Variants in GOLM2 observed in about 807,000 individuals in gnomAD.
GOLM2 encodes the protein golgi membrane protein 2.
Under a neutral mutation model 55.9 loss-of-function variants are expected in GOLM2, and 26 were observed. The ratio of observed to expected loss-of-function variants is 0.47; its 90% CI spans 0.34 to 0.65. GOLM2 has a LOEUF of 0.65. Among genes scored for constraint, GOLM2 ranks in the 30% least tolerant of loss-of-function variants. The probability of loss-of-function intolerance (pLI) is 0.01; values close to 1 mark genes in which losing one functional copy is unlikely to be tolerated. For synonymous variants in GOLM2, 165 were observed against 194.6 expected (o/e 0.85, Z 1.27); for missense variants, 486 against 531.8 (o/e 0.91, Z 0.85).
rs1021027574 is a variant in GOLM2 at position 44,329,217 on chromosome 15, T to A, written c.485+430T>A. 2.6e-5 allele frequency among the ~76,000 whole-genome samples: 4 copies of A among 152,352 alleles called. No individual in the cohort carries two copies. The East Asian group carries it at 7.7e-4, about 29-fold the overall frequency. On this transcript the variant is annotated intron_variant, in intron 3 of 9. Transcript: ENST00000299957. ...CTGCTCTGCATGTCAGCCCTCTTGCTGATACCTCTACACTTGGTGATGAGG... is the reference window on the plus strand; with the variant it reads ...CTGCTCTGCATGTCAGCCCTCTTGCAGATACCTCTACACTTGGTGATGAGG...
chr15:44,326,520 C>A (rs2078981797), intron 2 of GOLM2, among the ~76,000 whole-genome samples: 1 of 151,526 alleles, frequency 6.6e-6, no homozygotes, highest in Non-Finnish European at 1.5e-5. Flanking sequence ...GTTCAAAATC[C>A]TACTGTCAGA....
At chr15:44,336,798 C>T (rs1413238406) in intron 4 of GOLM2, among the ~76,000 whole-genome samples, 1 of 151,990 alleles carries the variant, frequency 6.6e-6, no homozygotes, top group African/African-American at 2.4e-5. Context: ...CACCTGTAGT[C>T]CCAGTTACTC....
intron 4 of GOLM2, among the ~76,000 whole-genome samples, chr15:44,334,672 C>T (rs1278787429): frequency 2.6e-5 from 4 of 152,146 alleles, no homozygotes; most frequent in Admixed American, 1.3e-4. Context: ...TTGTTTACTG[C>T]GTTCATGCTG....
chr15:44,379,898 C>A, intron 7 of GOLM2, 110 bp downstream of exon 7: 3 of 543,278 alleles, frequency 5.5e-6, no homozygotes, highest in Non-Finnish European at 6.4e-6. Flanking sequence ...AGCATTTATT[C>A]TTTGAGGTAA....
At chr15:44,313,061 G>A (rs1435009907) in intron 1 of GOLM2, among the ~76,000 whole-genome samples, 20 of 149,956 alleles carry the variant, frequency 1.3e-4, no homozygotes, top group Non-Finnish European at 2.4e-4. Flanking sequence ...CCTGGGCGAC[G>A]GAGCAAGACT....
chr15:44,357,646 A>C (rs894434639), intron 6 of GOLM2, among the ~76,000 whole-genome samples: 2 of 152,214 alleles, frequency 1.3e-5, no homozygotes. Context: ...TATATGTAGA[A>C]GACCCAAGAG....
Position 44,307,212 on chromosome 15 carries a change from C to CT in GOLM2, c.328-15735dup, listed in dbSNP as rs199591388. ...GCTGGAAACTAACATGATACTAATT[C>CT]TTTTTTTTTTTTTTTTTTGAGACAG... On this transcript the variant is annotated intron_variant, in intron 1 of 9. Coordinates refer to ENST00000299957, the MANE Select transcript of GOLM2 (RefSeq NM_138423.4). 550 of 135,968 alleles carry CT rather than the reference C, an allele frequency of 4.0e-3. 3 individuals are homozygous for CT. The highest frequency in any genetic ancestry group is 0.013 in the East Asian group (61 of 4,684). 8.4% of individuals were successfully genotyped at this position (135,968 alleles called of 1,614,324 possible). A position where few individuals can be genotyped will look rare whatever the true frequency, so the allele number is the denominator to read the frequency against.
rs140734894 is a variant in GOLM2, at chr15:44,380,942, G to T, written c.1038G>T (p.Lys346Asn). The T allele has an allele frequency of 4.5e-3, 7,120 of 1,584,958 alleles. 27 individuals carry two copies. Among genetic ancestry groups the T allele is most frequent in the Non-Finnish European group, 5.7e-3 (6,709 of 1,167,126 alleles). ...CAGATATACTAAAGCAGGCTACCAA[G>T]GACAGAGTCAGTGATTTCCATAAAT... ...IQTDILKQAT[K>N]DRVSDFHKLK... The change falls in exon 8 of 10, where the codon AAG (lysine) becomes AAT (asparagine). Residue 346 changes from lysine to asparagine, a missense_variant. Physicochemically the swap from Lys to Asn is moderately conservative, Grantham distance 94 (BLOSUM62 0). Transcript: ENST00000299957.
intron 8 of GOLM2, among the ~76,000 whole-genome samples, chr15:44,389,031 A>T (rs1396351996): frequency 2.0e-5 from 3 of 151,768 alleles, no homozygotes; most frequent in Non-Finnish European, 4.4e-5. Flanking sequence ...GTTAGCCAGG[A>T]TAGTCTTGAT....
chr15:44,408,025 C>A (rs984382827), intron 9 of GOLM2, among the ~76,000 whole-genome samples: 1 of 152,062 alleles, frequency 6.6e-6, no homozygotes, highest in Non-Finnish European at 1.5e-5. Context: ...GCTGGGATTA[C>A]GGCGTGAGCA....
Position 44,302,273 on chromosome 15 carries a change from T to C in GOLM2, c.327+12917T>C, listed in dbSNP as rs566286840. The stretch of plus-strand genomic sequence containing the variant: ...GATTCTCCTGCCTCAGCCTCCCAAG[T>C]AGCTGGGACTACATGCACATGCCAC... On this transcript the variant is annotated intron_variant, in intron 1 of 9. Coordinates refer to ENST00000299957, the MANE Select transcript of GOLM2 (RefSeq NM_138423.4). 7.9e-5 allele frequency among the ~76,000 whole-genome samples: 12 copies of C among 151,364 alleles called. 1 individual carries two copies. In the South Asian group the frequency reaches 2.3e-3, roughly 29 times the overall value.
rs552500725 is a variant in GOLM2 at position 44,372,646 on chromosome 15, T to G, written c.803-7044T>G. Among the ~76,000 whole-genome samples the G allele has an allele frequency of 2.0e-5, 3 of 152,290 alleles. No homozygotes were observed. The East Asian group carries it at 5.8e-4, about 29-fold the overall frequency. On this transcript the variant is annotated intron_variant, in intron 6 of 9. Coordinates refer to ENST00000299957, the MANE Select transcript of GOLM2 (RefSeq NM_138423.4). ...CTTTGAAAAAGGGATATCTATCTAA[T>G]TTAGAGGTAAGGGTGACATGAGACT...
At chr15:44,291,906 G>A (rs1159205240) in intron 1 of GOLM2, among the ~76,000 whole-genome samples, 2 of 152,122 alleles carry the variant, frequency 1.3e-5, no homozygotes, top group African/African-American at 2.4e-5. Context: ...AATTCATAAT[G>A]CCTGCTGGAA....
chr15:44,323,838 A>C (rs1210537520), intron 2 of GOLM2, among the ~76,000 whole-genome samples: 1 of 152,210 alleles, frequency 6.6e-6, no homozygotes, highest in Non-Finnish European at 1.5e-5. Flanking sequence ...GAAGTAGCCA[A>C]CCTTAGCTGG....
rs1367308690 is a variant in GOLM2, at chr15:44,402,966, T to G, written c.1152T>G (p.Gly384=). 1 of 1,613,950 alleles carries G rather than the reference T, an allele frequency of 6.2e-7. No individual in the cohort carries two copies. Among genetic ancestry groups the G allele is most frequent in the African/African-American group, 1.3e-5 (1 of 74,912 alleles). The change falls in exon 9 of 10, where the codon GGT becomes GGG. Residue 384 remains glycine, a synonymous_variant. Transcript: ENST00000299957. ...TGGCGGATTATAATGGGGATGATGG[T>G]AACGTAGGTGAGTATGAGGCAGACA... is the stretch of plus-strand genomic sequence containing the variant. ...SKLADYNGDD[G]NVGEYEADKQ... is the part of the protein sequence containing the mutation.
At position 44,314,444 on chromosome 15, in the gene GOLM2, A is replaced by T. The variant is rs560397981; in HGVS notation, c.328-8521A>T. ...CATGGTGGTGTATGCCTGTAATCCC[A>T]CCAACTCAGTAGGCTGAGGTGGGAG... On this transcript the variant is annotated intron_variant, in intron 1 of 9. Coordinates refer to ENST00000299957, the MANE Select transcript of GOLM2 (RefSeq NM_138423.4). 4.6e-5 allele frequency among the ~76,000 whole-genome samples: 7 copies of T among 151,666 alleles called. No homozygotes were observed. The South Asian group carries it at 1.5e-3, about 32-fold the overall frequency.
At chr15:44,368,296 C>G (rs2079299979) in intron 6 of GOLM2, among the ~76,000 whole-genome samples, 1 of 150,270 alleles carries the variant, frequency 6.7e-6, no homozygotes, top group Admixed American at 6.6e-5. Flanking sequence ...CACCACCACG[C>G]CCAGCTATTT....
intron 2 of GOLM2, among the ~76,000 whole-genome samples, chr15:44,326,038 C>T (rs934796087): frequency 2.6e-5 from 4 of 151,386 alleles, no homozygotes; most frequent in African/African-American, 9.7e-5. Context: ...CTGAGGCGGG[C>T]AGATCACAAG....
intron 6 of GOLM2, among the ~76,000 whole-genome samples, chr15:44,355,910 A>C (rs1167838206): frequency 1.3e-5 from 2 of 152,236 alleles, no homozygotes; most frequent in Non-Finnish European, 2.9e-5. Context: ...CCAAAAATAA[A>C]ATAAAATAAT....
Sources: allele counts gnomAD v4.1 joint callset (sites outside exome capture counted in the v4.1 genomes callset), GRCh38; gene constraint gnomAD v4.1.1; transcripts MANE v1.5; gene names NCBI Gene and HGNC (gene_info 2026-07-23, HGNC 2026-07-21).